The following DNAAF3 variants were observed in gnomAD, a reference collection of about 807,000 sequenced individuals.
The protein encoded by DNAAF3 is dynein axonemal assembly factor 3, also known as UPF0470 protein C19orf51.
In DNAAF3, 40 loss-of-function variants were observed where a neutral mutation model predicts 50.9. The observed-to-expected ratio is 0.79, with a 90% CI of 0.61 to 1.02. The LOEUF (loss-of-function observed/expected upper bound fraction) is 1.02. Among genes scored for constraint, DNAAF3 ranks in the 50% least tolerant of loss-of-function variants. The pLI is 0.00. For missense variants in DNAAF3, 763 were observed against 744.7 expected (o/e 1.02, Z -0.29); for synonymous variants, 327 against 322.8 (o/e 1.01, Z -0.14).
chr19:55,160,829 C>T lies in DNAAF3; in HGVS notation c.913-54G>A. On this transcript the variant is annotated intron_variant, in intron 8 of 11. Coordinates refer to ENST00000524407, the MANE Select transcript of DNAAF3 (RefSeq NM_001256715.2). This position sits in a 1 kb window ranked among gnomAD's most constrained non-coding sequence, Gnocchi z 4.7. ...TCGGGGCCAGGATGGCGGGGCGGGG[C>T]TTAGAACGCTGGGAGTCCTCGGTCC... The T allele has an allele frequency of 1.9e-6, 3 of 1,577,248 alleles. No individual in the cohort carries two copies. Among genetic ancestry groups the T allele is most frequent in the Admixed American group, 3.8e-5 (2 of 52,256 alleles).
chr19:55,159,217 C>A lies in DNAAF3; in HGVS notation c.1471G>T (p.Glu491Ter), dbSNP rs756412762. ...QPLEASNPAL[E>*]GLTQPLQGGT... ...CCCTGCAGAGGCTGGGTCAGGCCCT[C>A]AAGGGCTGGGTTGCTGGCTTCAAGA... is the stretch of plus-strand genomic sequence containing the variant. The change falls in exon 12 of 12, where the codon GAG (glutamate) becomes TAG (stop). Residue 491 changes from glutamate (E) to a stop codon, truncating the protein, a stop_gained. Coordinates refer to ENST00000524407, the MANE Select transcript of DNAAF3 (RefSeq NM_001256715.2). LOFTEE classifies it low-confidence loss of function (END_TRUNC). 1.2e-5 allele frequency: 19 copies of A among 1,613,784 alleles called. No individual in the cohort carries two copies. The Admixed American group carries it at 1.5e-4, about 13-fold the overall frequency.
At chr19:55,162,725 G>A (rs1305264455) in intron 4 of DNAAF3, 16 of 961,216 alleles carry the variant, frequency 1.7e-5, no homozygotes, top group Non-Finnish European at 1.9e-5. Flanking sequence ...TATGGTGTAA[G>A]CATTTACATT....
chr19:55,161,009 C>T lies in DNAAF3; in HGVS notation c.912+56G>A. 1.3e-6 allele frequency: 2 copies of T among 1,491,186 alleles called. No individual in the cohort carries two copies. Among genetic ancestry groups the T allele is most frequent in the African/African-American group, 2.8e-5 (2 of 71,278 alleles). The allele number at this position is 1,491,186 out of a possible 1,614,324, so 92.4% of individuals were successfully genotyped here. ...GGCCTGCTGTGGGGGCGGGGCCTTGCGCACCCACCGACCCCCAGCCCCACC... is the reference window on the plus strand; with the variant it reads ...GGCCTGCTGTGGGGGCGGGGCCTTGTGCACCCACCGACCCCCAGCCCCACC... On this transcript the variant is annotated intron_variant, in intron 8 of 11. Transcript: ENST00000524407. This position sits in a 1 kb window ranked among gnomAD's most constrained non-coding sequence, Gnocchi z 6.4.
intron 3 of DNAAF3, 86 bp downstream of exon 3, chr19:55,165,772 A>G (rs1039477052): frequency 2.6e-6 from 4 of 1,546,422 alleles, no homozygotes; most frequent in Non-Finnish European, 3.5e-6. Flanking sequence ...CAGCCCCTTC[A>G]TTCCTGGACC....
At chr19:55,166,697 C>A (rs771899637), upstream of DNAAF3, 8 of 1,574,586 alleles carry the variant, frequency 5.1e-6, no homozygotes, top group South Asian at 2.3e-5. The surrounding 1 kb of genome is among the most constrained non-coding windows in gnomAD (Gnocchi z 4.0). Flanking sequence ...TGAGCGAGGC[C>A]CGCCCTCTAC....
rs2147293583 is a variant in DNAAF3, at chr19:55,160,531, CA to C, written c.1048+108del. 1.3e-6 allele frequency: 2 copies of C among 1,550,748 alleles called. No homozygotes were observed. The highest frequency in any genetic ancestry group is 2.2e-5 in the East Asian group (1 of 44,520). On this transcript the variant is annotated intron_variant, in intron 9 of 11. Transcript: ENST00000524407. The surrounding 1 kb of genome is among the most constrained non-coding windows in gnomAD (Gnocchi z 4.7). The stretch of plus-strand genomic sequence containing the variant: ...AAAGAGAGAAAAAGAGACAGAATAT[CA>C]AGAAGCCGTCACTTGCCCAGGCATT...
Position 55,159,610 on chromosome 19 carries a change from G to A in DNAAF3, c.1164-3C>T. The A allele has an allele frequency of 6.2e-7, 1 of 1,612,698 alleles. No individual in the cohort carries two copies. The highest frequency in any genetic ancestry group is 8.5e-7 in the Non-Finnish European group (1 of 1,179,432). Reference sequence around the variant, plus strand: ...CAGGGATGAGAAGATGGACCATACTGCAGAGAGGACGGAGGACAGGCTGAG... The same window carrying A: ...CAGGGATGAGAAGATGGACCATACTACAGAGAGGACGGAGGACAGGCTGAG... On this transcript the variant is annotated splice_polypyrimidine_tract_variant and splice_region_variant and intron_variant, in intron 10 of 11. Coordinates refer to ENST00000524407, the MANE Select transcript of DNAAF3 (RefSeq NM_001256715.2).
At position 55,166,348 on chromosome 19, in the gene DNAAF3, C is replaced by A. The variant is rs761150993; in HGVS notation, c.66G>T (p.Ala22=). ...GSVSWWGLSP[A]LDLQAESPPV... ...ACTCACTTTCAGCCTGCAGGTCCAG[C>A]GCCGGGGACAGGCCCCACCAGGACA... Residue 22 remains alanine, a synonymous_variant, in exon 2 of 12, where the codon GCG becomes GCT. Coordinates refer to ENST00000524407, the MANE Select transcript of DNAAF3 (RefSeq NM_001256715.2). The surrounding 1 kb of genome is among the most constrained non-coding windows in gnomAD (Gnocchi z 4.0). 1 of 1,613,670 alleles carries A rather than the reference C, an allele frequency of 6.2e-7. No homozygotes were observed. The highest frequency in any genetic ancestry group is 8.5e-7 in the Non-Finnish European group (1 of 1,179,864).
chr19:55,164,735 G>A (rs2085906768), intron 4 of DNAAF3, among the ~76,000 whole-genome samples: 1 of 151,992 alleles, frequency 6.6e-6, no homozygotes, highest in Admixed American at 6.6e-5. Flanking sequence ...ATGTTGAGCA[G>A]GATGGTCTCG....
In DNAAF3 at chr19:55,165,426, C is replaced by T. The variant is rs1404783056; in HGVS notation, c.266G>A (p.Arg89Gln). The T allele has an allele frequency of 3.7e-6, 6 of 1,614,088 alleles. No individual in the cohort carries two copies. Among genetic ancestry groups the T allele is most frequent in the Non-Finnish European group, 5.1e-6 (6 of 1,180,022 alleles). ...VLENNLEAVA[R>Q]HMLIFSLALE... Reference sequence around the variant, plus strand: ...GGCTAGGCTGAAGATCAGCATGTGTCGGGCCACAGCTTCCAGATTATTCTC... The same window carrying T: ...GGCTAGGCTGAAGATCAGCATGTGTTGGGCCACAGCTTCCAGATTATTCTC... Residue 89 changes from arginine to glutamine, a missense_variant, in exon 4 of 12, where the codon CGA (arginine) becomes CAA (glutamine). Physicochemically the swap from Arg to Gln is conservative, Grantham distance 43. Transcript: ENST00000524407.
intron 4 of DNAAF3, chr19:55,162,560 T>A: frequency 1.1e-6 from 1 of 929,254 alleles, no homozygotes; most frequent in Non-Finnish European, 1.3e-6. Context: ...CACTCCAGCC[T>A]GGGCAACAGA....
rs1269180577 is a variant in DNAAF3, at chr19:55,159,067, C to T, written c.1621G>A (p.Val541Ile). The change falls in exon 12 of 12, where the codon GTC becomes ATC. Residue 541 changes from valine (V) to isoleucine (I), a missense_variant. By Grantham distance (29) the Val-to-Ile change is conservative. Coordinates refer to ENST00000524407, the MANE Select transcript of DNAAF3 (RefSeq NM_001256715.2). The part of the protein sequence containing the change: ...PNCESDSKTG[V>I] ...AGGGGTGTCTAGGGGTTGGGTCAGA[C>T]TCCAGTTTTGGAGTCTGACTCACAG... The T allele has an allele frequency of 6.3e-7, 1 of 1,588,608 alleles. No individual in the cohort carries two copies. The highest frequency in any genetic ancestry group is 1.4e-5 in the African/African-American group (1 of 73,998).
At position 55,165,386 on chromosome 19, in the gene DNAAF3, C is replaced by A; in HGVS notation, c.306G>T (p.Glu102Asp). 1 of 1,614,190 alleles carries A rather than the reference C, an allele frequency of 6.2e-7. No individual in the cohort carries two copies. Among genetic ancestry groups the A allele is most frequent in the South Asian group, 1.1e-5 (1 of 91,072 alleles). ...GCAACAGACCTTGCAGCCCCATCTT[C>A]TCCGGTTCCTCCAGGGCTAGGCTGA... ...LIFSLALEEP[E>D]KMGLQERSET... Residue 102 changes from glutamate to aspartate, a missense_variant, in exon 4 of 12, where the codon GAG becomes GAT. Coordinates refer to ENST00000524407, the MANE Select transcript of DNAAF3 (RefSeq NM_001256715.2).
chr19:55,162,997 C>CTTTTTTTTTT lies in DNAAF3; in HGVS notation c.323-717_323-708dup, dbSNP rs576178532. Among the ~76,000 whole-genome samples, 58 of 92,164 alleles carry CTTTTTTTTTT rather than the reference C, an allele frequency of 6.3e-4. 1 individual carries two copies. The highest frequency in any genetic ancestry group is 9.4e-4 in the Non-Finnish European group (44 of 46,864). The allele number at this position is 92,164 out of a possible 152,430, so 60.5% of individuals were successfully genotyped here. On this transcript the variant is annotated intron_variant, in intron 4 of 11. Transcript: ENST00000524407. ...TTTTATTTCTTTTTCTTTTCTTTTT[C>CTTTTTTTTTT]TTTTTTTTTTTTTTTTTTTTTTTTT...
At chr19:55,162,668 G>T in intron 4 of DNAAF3, 1 of 994,690 alleles carries the variant, frequency 1.0e-6, no homozygotes. Context: ...GAATATTTGG[G>T]GGAAAAGATA....
rs576178532 is a variant in DNAAF3, at chr19:55,162,997, C to CTTTTTTTTTTTTT, written c.323-720_323-708dup. 7.8e-4 allele frequency among the ~76,000 whole-genome samples: 72 copies of CTTTTTTTTTTTTT among 92,162 alleles called. 1 individual carries two copies. Among genetic ancestry groups the CTTTTTTTTTTTTT allele is most frequent in the Non-Finnish European group, 9.6e-4 (45 of 46,864 alleles). The allele number at this position is 92,162 out of a possible 152,430, so 60.5% of individuals were successfully genotyped here. On this transcript the variant is annotated intron_variant, in intron 4 of 11. Transcript: ENST00000524407. ...TTTTATTTCTTTTTCTTTTCTTTTTCTTTTTTTTTTTTTTTTTTTTTTTTT... is the reference window on the plus strand; with the variant it reads ...TTTTATTTCTTTTTCTTTTCTTTTTCTTTTTTTTTTTTTTTTTTTTTTTTTTTTTTTTTTTTTT...
At chr19:55,165,177 T>A (rs955031668) in intron 4 of DNAAF3, among the ~76,000 whole-genome samples, 193 bp downstream of exon 4, 1 of 152,036 alleles carries the variant, frequency 6.6e-6, no homozygotes, top group African/African-American at 2.4e-5. Context: ...TTAACAGGCG[T>A]GAGCCACCGC....
intron 3 of DNAAF3, 50 bp downstream of exon 3, chr19:55,165,808 C>T (rs773728652): frequency 1.3e-6 from 2 of 1,591,494 alleles, no homozygotes; most frequent in African/African-American, 1.3e-5. Flanking sequence ...TCAATCCCTT[C>T]CTCCCTCAAG....
At chr19:55,166,696 C>A, upstream of DNAAF3, 2 of 1,577,298 alleles carry the variant, frequency 1.3e-6, no homozygotes, top group Non-Finnish European at 1.7e-6. The surrounding 1 kb of genome is among the most constrained non-coding windows in gnomAD (Gnocchi z 4.0). Flanking sequence ...GTGAGCGAGG[C>A]CCGCCCTCTA....
Sources: allele counts gnomAD v4.1 joint callset (sites outside exome capture counted in the v4.1 genomes callset), GRCh38; gene constraint gnomAD v4.1.1; non-coding constraint Gnocchi (gnomAD v3.1); transcripts MANE v1.5; gene names NCBI Gene and HGNC (gene_info 2026-07-23, HGNC 2026-07-21).